Variants in ZEB1 observed in about 807,000 individuals in gnomAD.
The protein encoded by ZEB1 is zinc finger E-box binding homeobox 1, also known as zinc finger E-box-binding homeobox 1.
ZEB1 carries 21 observed loss-of-function variants against 84.9 expected under a neutral mutation model. The ratio of observed to expected loss-of-function variants is 0.25; its 90% CI spans 0.18 to 0.36. The LOEUF (loss-of-function observed/expected upper bound fraction) is 0.36. Ranked by LOEUF, ZEB1 falls within the 10% of genes least tolerant of loss-of-function variation. The pLI is 1.00. For synonymous variants in ZEB1, 420 were observed against 471.1 expected, an observed-to-expected ratio of 0.89 and a Z score of 1.41; for missense variants, 1,104 against 1,330.2, an observed-to-expected ratio of 0.83 and a Z score of 2.65.
chr10:31,492,697 C>CA (rs71515528), intron 2 of ZEB1, among the ~76,000 whole-genome samples: 65 of 151,832 alleles, frequency 4.3e-4, no homozygotes, highest in Non-Finnish European at 6.9e-4. Context: ...GTGTGAATTT[C>CA]AAAAAATACA....
chr10:31,393,639 G>A (rs1241546487), intron 1 of ZEB1, among the ~76,000 whole-genome samples: 1 of 151,970 alleles, frequency 6.6e-6, no homozygotes, highest in Non-Finnish European at 1.5e-5. Flanking sequence ...CCTGGTTTTC[G>A]TGACATTAAA....
In ZEB1 at chr10:31,522,809, T is replaced by G. The variant is rs191835381; in HGVS notation, c.2604+873T>G. On this transcript the variant is annotated intron_variant, in intron 7 of 8. Transcript: ENST00000424869. ...AATAATTTCAATATCCTGCTCAAAC[T>G]TGTATTTGCTGCTTTTGTTTTCCCT... is the stretch of plus-strand genomic sequence containing the variant. Among the ~76,000 whole-genome samples, 531 of 152,356 alleles carry G rather than the reference T, an allele frequency of 3.5e-3. 5 individuals carry two copies. The highest frequency in any genetic ancestry group is 4.0e-3 in the Non-Finnish European group (271 of 68,032).
chr10:31,367,953 CTA>C (rs753213339), intron 1 of ZEB1, among the ~76,000 whole-genome samples: 8,406 of 148,310 alleles, frequency 0.057, 239 homozygotes, highest in South Asian at 0.068. Flanking sequence ...TTATTATATA[CTA>C]TATATATATA....
At chr10:31,377,281 C>T (rs949115951) in intron 1 of ZEB1, among the ~76,000 whole-genome samples, 1 of 151,488 alleles carries the variant, frequency 6.6e-6, no homozygotes, top group Admixed American at 6.6e-5. Flanking sequence ...TTATGCTATC[C>T]TTCTACTTAG....
intron 1 of ZEB1, among the ~76,000 whole-genome samples, chr10:31,351,213 A>G (rs2041264617): frequency 1.3e-5 from 2 of 152,148 alleles, no homozygotes; most frequent in Non-Finnish European, 2.9e-5. Context: ...AGTAGTTGTA[A>G]ATTGCTAGAC....
At chr10:31,445,921 C>T (rs546175879) in intron 1 of ZEB1, among the ~76,000 whole-genome samples, 8,790 of 125,260 alleles carry the variant, frequency 0.07, 460 homozygotes, top group African/African-American at 0.15. Context: ...CAGAATGATG[C>T]TGGCCTCATA....
In ZEB1 at chr10:31,385,917, T is replaced by G. The variant is rs560305426; in HGVS notation, c.58+66625T>G. Among the ~76,000 whole-genome samples, 73 of 152,250 alleles carry G rather than the reference T, an allele frequency of 4.8e-4. 1 individual carries two copies. The highest frequency in any genetic ancestry group is 1.7e-3 in the African/African-American group (72 of 41,552). ...AAGTCTCTGTGTTTTTAATAATAGT[T>G]TAAAAGTTAAAGGAAAACAAATGAA... On this transcript the variant is annotated intron_variant, in intron 1 of 8. Transcript: ENST00000424869.
intron 2 of ZEB1, among the ~76,000 whole-genome samples, chr10:31,474,081 A>T (rs2063695278): frequency 1.3e-5 from 2 of 152,242 alleles, no homozygotes. Context: ...AAAGATTTAA[A>T]TGTTAAACCT....
Position 31,520,818 on chromosome 10 carries a change from G to T in ZEB1, c.1486G>T (p.Glu496Ter), listed in dbSNP as rs764841328. The T allele has an allele frequency of 6.2e-7, 1 of 1,613,992 alleles. No individual in the cohort carries two copies. The highest frequency in any genetic ancestry group is 2.2e-5 in the East Asian group (1 of 44,864). The change falls in exon 7 of 9, where the codon GAA becomes TAA. Residue 496 changes from glutamate (E) to a stop codon, truncating the protein, a stop_gained. Coordinates refer to ENST00000424869, the MANE Select transcript of ZEB1 (RefSeq NM_001174096.2). LOFTEE classifies it high-confidence loss of function. This position sits in a 1 kb window ranked among gnomAD's most constrained non-coding sequence, Gnocchi z 5.1. ...LQVVPQNLKK[E>*]NPVATNSCKS... Reference sequence around the variant, plus strand: ...AGTTGTTCCTCAAAATTTAAAAAAAGAAAATCCAGTCGCTACAAACAGTTG... The same window carrying T: ...AGTTGTTCCTCAAAATTTAAAAAAATAAAATCCAGTCGCTACAAACAGTTG...
intron 1 of ZEB1, among the ~76,000 whole-genome samples, chr10:31,361,813 G>T (rs2043160839): frequency 6.6e-6 from 1 of 151,318 alleles, no homozygotes; most frequent in African/African-American, 2.4e-5. Context: ...CAGCAGGGCA[G>T]AGGCGCTCCT....
At position 31,360,964 on chromosome 10, in the gene ZEB1, G is replaced by A. The variant is rs186752451; in HGVS notation, c.58+41672G>A. The stretch of plus-strand genomic sequence containing the variant: ...GAGGAAGCAGCTAACTATGGCGACC[G>A]CCACGGAGCAGTGGGTTCTGGTGGA... On this transcript the variant is annotated intron_variant, in intron 1 of 8. Coordinates refer to ENST00000424869, the MANE Select transcript of ZEB1 (RefSeq NM_001174096.2). 9.1e-3 allele frequency: 14,503 copies of A among 1,601,376 alleles called. 110 individuals carry two copies. The highest frequency in any genetic ancestry group is 0.011 in the Non-Finnish European group (12,852 of 1,176,496).
chr10:31,464,972 A>C (rs1348141201), intron 2 of ZEB1, among the ~76,000 whole-genome samples: 1 of 152,208 alleles, frequency 6.6e-6, no homozygotes, highest in Non-Finnish European at 1.5e-5. Flanking sequence ...TATAAATACT[A>C]TTCTATATAG....
At chr10:31,355,566 T>G (rs1414326576) in intron 1 of ZEB1, among the ~76,000 whole-genome samples, 1 of 151,880 alleles carries the variant, frequency 6.6e-6, no homozygotes. Context: ...TCTGGGATGG[T>G]GGGGGAGTGT....
intron 1 of ZEB1, among the ~76,000 whole-genome samples, chr10:31,446,202 A>G (rs1010760173): frequency 1.3e-5 from 2 of 152,096 alleles, no homozygotes; most frequent in African/African-American, 2.4e-5. Context: ...GTTTATTTGC[A>G]TAGAGCTGTT....
rs572701364 is a variant in ZEB1, at chr10:31,346,300, T to G, written c.58+27008T>G. On this transcript the variant is annotated intron_variant, in intron 1 of 8. Transcript: ENST00000424869. ...ATGTTTCAGCTACTTCAGGGTTATTTTAAGTAACTGGATAGTTGGTTTTCA... is the reference window on the plus strand; with the variant it reads ...ATGTTTCAGCTACTTCAGGGTTATTGTAAGTAACTGGATAGTTGGTTTTCA... 1.6e-4 allele frequency among the ~76,000 whole-genome samples: 24 copies of G among 152,286 alleles called. No homozygotes were observed. In the East Asian group the frequency reaches 4.4e-3, roughly 28 times the overall value.
intron 1 of ZEB1, among the ~76,000 whole-genome samples, chr10:31,417,986 T>C (rs2055502547): frequency 6.6e-6 from 1 of 152,020 alleles, no homozygotes; most frequent in Non-Finnish European, 1.5e-5. Context: ...GTACCTAGTC[T>C]CTTCTAGGAG....
At chr10:31,432,146 A>G (rs1325784310) in intron 1 of ZEB1, among the ~76,000 whole-genome samples, 2 of 152,228 alleles carry the variant, frequency 1.3e-5, no homozygotes, top group African/African-American at 4.8e-5. Flanking sequence ...TATAGTATAG[A>G]CCAACACTGT....
intron 1 of ZEB1, chr10:31,320,985 T>A: frequency 3.5e-6 from 1 of 286,638 alleles, no homozygotes; most frequent in African/African-American, 2.3e-5. Context: ...TCGCTTTGGT[T>A]CCTGCGTTAT....
rs566955598 is a variant in ZEB1 at position 31,403,203 on chromosome 10, A to G, written c.59-57834A>G. ...ATGATTTTATTTCTTTCTGTGTAAA[A>G]TGGAAATAGTAATACTAAGTTTCAG... On this transcript the variant is annotated intron_variant, in intron 1 of 8. Transcript: ENST00000424869. Among the ~76,000 whole-genome samples the G allele has an allele frequency of 1.3e-3, 205 of 152,202 alleles. 1 individual carries two copies. The highest frequency in any genetic ancestry group is 4.6e-3 in the South Asian group (22 of 4,824).
Sources: allele counts gnomAD v4.1 joint callset (sites outside exome capture counted in the v4.1 genomes callset), GRCh38; gene constraint gnomAD v4.1.1; non-coding constraint Gnocchi (gnomAD v3.1); transcripts MANE v1.5; gene names NCBI Gene and HGNC (gene_info 2026-07-23, HGNC 2026-07-21).